The following MYRIP variants were observed in gnomAD, a reference collection of about 807,000 sequenced individuals.
The protein encoded by MYRIP is rab effector MyRIP.
MYRIP carries 49 observed loss-of-function variants against 98.0 expected under a neutral mutation model. The ratio of observed to expected loss-of-function variants is 0.50; its 90% CI spans 0.40 to 0.63. The LOEUF (loss-of-function observed/expected upper bound fraction) is 0.63, where lower values mean the gene tolerates loss of function less well. Among genes scored for constraint, MYRIP ranks in the 30% least tolerant of loss-of-function variants. The probability of loss-of-function intolerance (pLI) is 0.00; values close to 1 mark genes in which losing one functional copy is unlikely to be tolerated. For missense variants in MYRIP, 1,004 were observed against 1,058.2 expected (o/e 0.95, Z 0.71); for synonymous variants, 404 against 409.5 (o/e 0.99, Z 0.16).
chr3:40,227,413 T>C (rs549767942), intron 11 of MYRIP, among the ~76,000 whole-genome samples: 75 of 151,878 alleles, frequency 4.9e-4, no homozygotes, highest in African/African-American at 1.8e-3. Flanking sequence ...TCTCCCTCTA[T>C]GTGTGTGTGT....
intron 3 of MYRIP, among the ~76,000 whole-genome samples, chr3:40,101,821 C>A (rs528144491): frequency 6.6e-6 from 1 of 151,874 alleles, no homozygotes; most frequent in South Asian, 2.1e-4. Context: ...TGGTATTTAT[C>A]TTTAACGATA....
At chr3:39,882,871 A>G (rs988553237) in intron 1 of MYRIP, among the ~76,000 whole-genome samples, 1 of 151,980 alleles carries the variant, frequency 6.6e-6, no homozygotes, top group African/African-American at 2.4e-5. Context: ...CCCCCTCCGC[A>G]TTAATATAGC....
intron 1 of MYRIP, among the ~76,000 whole-genome samples, chr3:39,827,443 T>G (rs781000819): frequency 6.6e-6 from 1 of 152,180 alleles, no homozygotes; most frequent in Non-Finnish European, 1.5e-5. Flanking sequence ...ATTCAGCCAA[T>G]CTGTATCTTT....
intron 10 of MYRIP, among the ~76,000 whole-genome samples, chr3:40,197,514 C>T (rs1323049258): frequency 3.3e-5 from 5 of 152,180 alleles, no homozygotes; most frequent in Non-Finnish European, 5.9e-5. Flanking sequence ...TCTGCTGTTG[C>T]AGAATTAATG....
At chr3:40,154,118 A>AG (rs1950171092) in intron 4 of MYRIP, among the ~76,000 whole-genome samples, 1 of 150,986 alleles carries the variant, frequency 6.6e-6, no homozygotes, top group Non-Finnish European at 1.5e-5. Flanking sequence ...CCAGCCTGGC[A>AG]ATAGAGTGAG....
At chr3:40,167,012 G>T in intron 6 of MYRIP, 69 bp downstream of exon 6, 1 of 1,413,386 alleles carries the variant, frequency 7.1e-7, no homozygotes. Context: ...AGGAGAAAGT[G>T]CAGGTTGTCA....
At position 40,260,087 on chromosome 3, in the gene MYRIP, T is replaced by C. The variant is rs1458784600; in HGVS notation, c.*1921T>C. 1 of 152,646 alleles carries C rather than the reference T, an allele frequency of 6.6e-6. No homozygotes were observed. Among genetic ancestry groups the C allele is most frequent in the Non-Finnish European group, 1.5e-5 (1 of 68,030 alleles). 9.5% of individuals were successfully genotyped at this position (152,646 alleles called of 1,614,324 possible). The stretch of plus-strand genomic sequence containing the variant: ...TTTACTATTAAAAACCATAAGCATA[T>C]GTTATAGTTCCAGAAGAATTATTTT... On this transcript the variant is annotated 3_prime_UTR_variant, in exon 17 of 17. Coordinates refer to ENST00000302541, the MANE Select transcript of MYRIP (RefSeq NM_015460.4).
chr3:39,968,845 T>C (rs1471566612), intron 2 of MYRIP, among the ~76,000 whole-genome samples: 1 of 152,138 alleles, frequency 6.6e-6, no homozygotes, highest in Admixed American at 6.6e-5. Flanking sequence ...AAATAGTTGT[T>C]TTCTAGTTCT....
intron 8 of MYRIP, 145 bp downstream of exon 8, chr3:40,170,238 G>A (rs1363780256): frequency 4.9e-6 from 5 of 1,022,752 alleles, no homozygotes; most frequent in Non-Finnish European, 7.0e-6. Flanking sequence ...GAAAGTGAGT[G>A]TGAGTCGGGG....
chr3:40,166,751 C>A, intron 5 of MYRIP, 95 bp from the exon 6 acceptor site: 1 of 851,812 alleles, frequency 1.2e-6, no homozygotes, highest in Non-Finnish European at 1.9e-6. Flanking sequence ...AGAACTTATC[C>A]CAGAGCCCCT....
chr3:40,164,695 A>G (rs1950467079), intron 5 of MYRIP, among the ~76,000 whole-genome samples: 1 of 152,122 alleles, frequency 6.6e-6, no homozygotes, highest in South Asian at 2.1e-4. Context: ...TGCCTTCTTA[A>G]TCTTCCCTCC....
At chr3:39,833,876 G>T (rs908795850) in intron 1 of MYRIP, among the ~76,000 whole-genome samples, 1 of 151,882 alleles carries the variant, frequency 6.6e-6, no homozygotes, top group East Asian at 1.9e-4. Flanking sequence ...CAAAAAATTC[G>T]CAATTAGCTG....
rs1005266265 is a variant in MYRIP at position 40,120,730 on chromosome 3, G to C, written c.333-30318G>C. ...AAGATTGTCCTTCTGGGCCAGCTTAGCTCAAATTTTTGCAGCTACAGCAAG... is the reference window on the plus strand; with the variant it reads ...AAGATTGTCCTTCTGGGCCAGCTTACCTCAAATTTTTGCAGCTACAGCAAG... On this transcript the variant is annotated intron_variant, in intron 3 of 16. Transcript: ENST00000302541. 5.6e-4 allele frequency among the ~76,000 whole-genome samples: 85 copies of C among 152,184 alleles called. 1 individual carries two copies. The highest frequency in any genetic ancestry group is 8.5e-4 in the Admixed American group (13 of 15,280).
chr3:40,010,148 G>A (rs1946730246), intron 2 of MYRIP, among the ~76,000 whole-genome samples: 1 of 152,226 alleles, frequency 6.6e-6, no homozygotes, highest in East Asian at 1.9e-4. Context: ...AGGGAATGGA[G>A]CCAGAAAGAA....
chr3:39,971,190 G>A (rs1398485729), intron 2 of MYRIP, among the ~76,000 whole-genome samples: 2 of 152,048 alleles, frequency 1.3e-5, no homozygotes, highest in Non-Finnish European at 2.9e-5. Context: ...GCCATCTCCA[G>A]GTCCATAAGG....
At chr3:40,111,441 G>A (rs1427628556) in intron 3 of MYRIP, among the ~76,000 whole-genome samples, 1 of 152,160 alleles carries the variant, frequency 6.6e-6, no homozygotes, top group African/African-American at 2.4e-5. Flanking sequence ...AAACTGTACA[G>A]ACTAAACCTT....
At position 39,904,547 on chromosome 3, in the gene MYRIP, T is replaced by A. The variant is rs147941754; in HGVS notation, c.110+3621T>A. 5.9e-3 allele frequency among the ~76,000 whole-genome samples: 903 copies of A among 152,262 alleles called. 3 individuals carry two copies. Among genetic ancestry groups the A allele is most frequent in the African/African-American group, 0.02 (814 of 41,540 alleles). ...CACTGCGCCTGGTCGTGTTTTTTTT[T>A]ATTTCCCAAAAGCATGTATTTAGAA... On this transcript the variant is annotated intron_variant, in intron 2 of 16. Coordinates refer to ENST00000302541, the MANE Select transcript of MYRIP (RefSeq NM_015460.4).
At chr3:39,889,261 A>C (rs966529140) in intron 1 of MYRIP, among the ~76,000 whole-genome samples, 29 of 152,356 alleles carry the variant, frequency 1.9e-4, no homozygotes, top group African/African-American at 5.8e-4. Flanking sequence ...TCACAATAGC[A>C]AAGACTTGGA....
At position 39,983,587 on chromosome 3, in the gene MYRIP, CA is replaced by C. The variant is rs369235550; in HGVS notation, c.111-60462del. Among the ~76,000 whole-genome samples, 203 of 152,254 alleles carry C rather than the reference CA, an allele frequency of 1.3e-3. 2 individuals carry two copies. In the South Asian group the frequency reaches 0.04, roughly 30 times the overall value. ...CAACAAATAGCCTGCCACTGGATCC[CA>C]GGGGAGGGCTGGGGGTACAGCGGTA... On this transcript the variant is annotated intron_variant, in intron 2 of 16. Transcript: ENST00000302541.
Sources: gnomAD v4.1 joint callset for allele counts (sites outside exome capture counted in the v4.1 genomes callset) on GRCh38, gnomAD v4.1.1 for gene constraint, MANE v1.5 for transcripts, NCBI Gene and HGNC (gene_info 2026-07-23, HGNC 2026-07-21) for gene names.